The following KDM2A variants were observed in gnomAD, a reference collection of about 807,000 sequenced individuals.
KDM2A encodes the protein lysine demethylase 2A.
A neutral mutation model predicts 137.3 loss-of-function variants in KDM2A; 3 were observed. The ratio of observed to expected loss-of-function variants is 0.02; its 90% CI spans 0.01 to 0.06. KDM2A has a LOEUF of 0.06. Among genes scored for constraint, KDM2A ranks in the 10% least tolerant of loss-of-function variants. KDM2A has a pLI of 1.00. For missense variants in KDM2A, 738 were observed against 1,510.6 expected, an observed-to-expected ratio of 0.49 and a Z score of 8.48; for synonymous variants, 512 against 541.5, an observed-to-expected ratio of 0.95 and a Z score of 0.76.
intron 2 of KDM2A, among the ~76,000 whole-genome samples, chr11:67,161,864 A>G (rs185538786): frequency 6.6e-6 from 1 of 152,342 alleles, no homozygotes; most frequent in Non-Finnish European, 1.5e-5. Flanking sequence ...TCTCAGGACT[A>G]AGGGAATGTA....
intron 2 of KDM2A, among the ~76,000 whole-genome samples, chr11:67,139,804 G>T (rs1856053241): frequency 6.6e-6 from 1 of 152,086 alleles, no homozygotes; most frequent in Non-Finnish European, 1.5e-5. Flanking sequence ...TTGCCTCCCG[G>T]GTTCAAGTGA....
chr11:67,192,427 C>G (rs900307537), intron 5 of KDM2A, among the ~76,000 whole-genome samples: 21 of 142,232 alleles, frequency 1.5e-4, no homozygotes, highest in African/African-American at 5.3e-4. Flanking sequence ...TACTTTGTTT[C>G]CATTTCTTTT....
At chr11:67,188,790 CAAAA>C (rs1207477143) in intron 5 of KDM2A, among the ~76,000 whole-genome samples, 5 of 73,776 alleles carry the variant, frequency 6.8e-5, no homozygotes, top group Admixed American at 3.3e-4. Context: ...GACACTGTCT[CAAAA>C]AAAAAAAAAA....
chr11:67,129,322 C>T (rs1190055500), intron 2 of KDM2A, among the ~76,000 whole-genome samples: 1 of 152,218 alleles, frequency 6.6e-6, no homozygotes, highest in Non-Finnish European at 1.5e-5. Flanking sequence ...GGTACAGTGA[C>T]TTAGGCCTGT....
intron 2 of KDM2A, among the ~76,000 whole-genome samples, chr11:67,130,940 A>G (rs932988606): frequency 6.6e-6 from 1 of 151,926 alleles, no homozygotes; most frequent in South Asian, 2.1e-4. Flanking sequence ...AGAGTCGGTA[A>G]GAGGTGAAAC....
intron 2 of KDM2A, among the ~76,000 whole-genome samples, chr11:67,142,712 A>AG (rs1250155613): frequency 6.6e-6 from 1 of 152,028 alleles, no homozygotes; most frequent in Non-Finnish European, 1.5e-5. Flanking sequence ...CTCAAAAAAA[A>AG]AAGTTAGAAA....
Position 67,254,760 on chromosome 11 carries a change from G to T in KDM2A, c.3308-114G>T. 1.0e-6 allele frequency: 1 copy of T among 973,830 alleles called. No individual in the cohort carries two copies. Among genetic ancestry groups the T allele is most frequent in the East Asian group, 2.6e-5 (1 of 38,582 alleles). The allele number at this position is 973,830 out of a possible 1,614,324, so 60.3% of individuals were successfully genotyped here. ...TCTGGTCTCTGAGCCAGGTAGTTGT[G>T]GGACAAAGAGGGCTTTTGTTTAGCA... is the stretch of plus-strand genomic sequence containing the variant. On this transcript the variant is annotated intron_variant, in intron 20 of 20. Coordinates refer to ENST00000529006, the MANE Select transcript of KDM2A (RefSeq NM_012308.3). This position sits in a 1 kb window ranked among gnomAD's most constrained non-coding sequence, Gnocchi z 4.7.
At chr11:67,201,798 A>G (rs113462827) in intron 5 of KDM2A, among the ~76,000 whole-genome samples, 4,117 of 146,028 alleles carry the variant, frequency 0.028, 106 homozygotes, top group South Asian at 0.099. Flanking sequence ...AAAAAAAAAA[A>G]AAAAAAATTA....
At chr11:67,144,360 C>G (rs12417887) in intron 2 of KDM2A, among the ~76,000 whole-genome samples, 3,174 of 150,726 alleles carry the variant, frequency 0.021, 351 homozygotes, top group Admixed American at 0.17. Context: ...TCAACTGATT[C>G]TCCTGCCTCA....
chr11:67,127,462 C>G (rs976791724), intron 2 of KDM2A, among the ~76,000 whole-genome samples: 4 of 151,362 alleles, frequency 2.6e-5, no homozygotes, highest in African/African-American at 7.3e-5. Flanking sequence ...TTAGCACTTT[C>G]ACCTAGCAAA....
chr11:67,223,305 T>C (rs1858427177), intron 10 of KDM2A, among the ~76,000 whole-genome samples: 1 of 152,156 alleles, frequency 6.6e-6, no homozygotes, highest in Non-Finnish European at 1.5e-5. Flanking sequence ...ATCTCTTGGC[T>C]ATAATTAATA....
At chr11:67,239,356 G>T (rs1858959043) in intron 12 of KDM2A, among the ~76,000 whole-genome samples, 1 of 152,206 alleles carries the variant, frequency 6.6e-6, no homozygotes, top group Non-Finnish European at 1.5e-5. Flanking sequence ...TGTACTGTGG[G>T]GGTGGAGTCC....
chr11:67,131,510 C>T (rs191998820), intron 2 of KDM2A, among the ~76,000 whole-genome samples: 2 of 148,328 alleles, frequency 1.3e-5, no homozygotes, highest in Non-Finnish European at 3.0e-5. Context: ...CTCCCAGGTT[C>T]AGGCAATTCT....
chr11:67,200,548 G>T (rs866182554), intron 5 of KDM2A, among the ~76,000 whole-genome samples: 3 of 151,722 alleles, frequency 2.0e-5, no homozygotes, highest in Non-Finnish European at 2.9e-5. Flanking sequence ...GTCTCATTCT[G>T]TTGCCCAAGT....
intron 2 of KDM2A, among the ~76,000 whole-genome samples, chr11:67,131,700 C>T (rs989238410): frequency 1.3e-5 from 2 of 152,142 alleles, no homozygotes; most frequent in Non-Finnish European, 1.5e-5. Context: ...GCATGAGCCA[C>T]GACTTTCCGC....
At chr11:67,176,757 C>T (rs1459201799) in intron 2 of KDM2A, among the ~76,000 whole-genome samples, 2 of 151,902 alleles carry the variant, frequency 1.3e-5, no homozygotes, top group African/African-American at 4.8e-5. Context: ...TGTATCTAAA[C>T]ATAGAAAAGG....
At chr11:67,148,618 T>G (rs1034601085) in intron 2 of KDM2A, among the ~76,000 whole-genome samples, 9 of 151,888 alleles carry the variant, frequency 5.9e-5, no homozygotes, top group African/African-American at 2.2e-4. Flanking sequence ...CTGGCTAACA[T>G]GGTGAAACAC....
chr11:67,222,133 C>G (rs1473132805), intron 10 of KDM2A, among the ~76,000 whole-genome samples: 4 of 101,466 alleles, frequency 3.9e-5, no homozygotes, highest in African/African-American at 1.6e-4. Flanking sequence ...GGGGATTTGG[C>G]AGGGTCATGG....
chr11:67,207,750 G>A (rs1000171574), intron 6 of KDM2A, 62 bp downstream of exon 6: 8 of 1,321,702 alleles, frequency 6.1e-6, no homozygotes, highest in African/African-American at 2.9e-5. Context: ...TCGGCTGGAC[G>A]TTGGTAACTG....
Sources: allele counts gnomAD v4.1 joint callset (sites outside exome capture counted in the v4.1 genomes callset), GRCh38; gene constraint gnomAD v4.1.1; non-coding constraint Gnocchi (gnomAD v3.1); transcripts MANE v1.5; gene names NCBI Gene and HGNC (gene_info 2026-07-23, HGNC 2026-07-21).